The following MYO5B variants were observed in gnomAD, a reference collection of about 807,000 sequenced individuals.
MYO5B encodes unconventional myosin-Vb.
Under a neutral mutation model 229.3 loss-of-function variants are expected in MYO5B, and 143 were observed. The observed-to-expected ratio is 0.62, with a 90% confidence interval of 0.54 to 0.72. The LOEUF (loss-of-function observed/expected upper bound fraction) is 0.72. Among genes scored for constraint, MYO5B ranks in the 30% least tolerant of loss-of-function variants. MYO5B has a pLI of 0.00. For missense variants in MYO5B, 2,321 were observed against 2,331.0 expected, an observed-to-expected ratio of 1.00 and a Z score of 0.09; for synonymous variants, 918 against 885.2, an observed-to-expected ratio of 1.04 and a Z score of -0.66.
intron 10 of MYO5B, among the ~76,000 whole-genome samples, chr18:49,967,154 G>A (rs548305169): frequency 7.2e-4 from 109 of 152,244 alleles, no homozygotes; most frequent in South Asian, 3.5e-3. Flanking sequence ...GTGGCATCTG[G>A]TCTCTCGATG....
intron 39 of MYO5B, among the ~76,000 whole-genome samples, chr18:49,834,645 C>CTT (rs573183100): frequency 2.7e-5 from 4 of 149,592 alleles, no homozygotes; most frequent in Non-Finnish European, 4.5e-5. Context: ...CAAATATTGT[C>CTT]TTTTTTTTTT....
chr18:49,980,423 C>T (rs759015759), intron 9 of MYO5B, 21 bp downstream of exon 9: 21 of 1,514,100 alleles, frequency 1.4e-5, no homozygotes, highest in Middle Eastern at 1.7e-4. Flanking sequence ...ATTTTATCTC[C>T]GGTGTTGGTG....
intron 1 of MYO5B, chr18:50,064,039 A>G (rs1377349527): frequency 6.6e-6 from 1 of 152,238 alleles, no homozygotes; most frequent in Admixed American, 6.5e-5. Context: ...TGAGGGAAGC[A>G]GTGATAGCAG....
intron 1 of MYO5B, among the ~76,000 whole-genome samples, chr18:50,108,593 A>T (rs1568109746): frequency 6.6e-6 from 1 of 152,186 alleles, no homozygotes; most frequent in Non-Finnish European, 1.5e-5. Flanking sequence ...TAGACCGGCT[A>T]CATGTTTCAC....
intron 33 of MYO5B, among the ~76,000 whole-genome samples, chr18:49,846,146 G>T (rs1321081911): frequency 6.6e-6 from 1 of 152,212 alleles, no homozygotes; most frequent in Non-Finnish European, 1.5e-5. Context: ...AACTGCAGAT[G>T]ATCGCAGGGA....
chr18:49,940,368 C>T (rs554750691), intron 14 of MYO5B, among the ~76,000 whole-genome samples: 4 of 152,136 alleles, frequency 2.6e-5, no homozygotes, highest in East Asian at 1.9e-4. Flanking sequence ...TGGTGGCATA[C>T]TAGAACTGTT....
intron 17 of MYO5B, among the ~76,000 whole-genome samples, chr18:49,921,443 C>A (rs1362465933): frequency 6.6e-6 from 1 of 152,024 alleles, no homozygotes; most frequent in East Asian, 1.9e-4. Context: ...GGTGGAAAAG[C>A]CTCTCTTCCT....
At chr18:49,952,883 A>G (rs2025444550) in intron 14 of MYO5B, among the ~76,000 whole-genome samples, 1 of 151,530 alleles carries the variant, frequency 6.6e-6, no homozygotes, top group East Asian at 1.9e-4. Context: ...TGCAGGCAGG[A>G]GACGGAGGAC....
intron 1 of MYO5B, among the ~76,000 whole-genome samples, chr18:50,151,160 C>T (rs1450736756): frequency 6.6e-6 from 1 of 152,150 alleles, no homozygotes; most frequent in Non-Finnish European, 1.5e-5. Flanking sequence ...GTCACTTTTG[C>T]TTCTTATTGT....
At chr18:50,185,511 A>G (rs760755295) in intron 1 of MYO5B, among the ~76,000 whole-genome samples, 2 of 152,256 alleles carry the variant, frequency 1.3e-5, no homozygotes, top group South Asian at 4.1e-4. Flanking sequence ...TAGTATGTTC[A>G]AAAAAGCTAG....
chr18:49,959,401 C>T lies in MYO5B; in HGVS notation c.1545+2865G>A, dbSNP rs375678454. Among the ~76,000 whole-genome samples, 7 of 152,316 alleles carry T rather than the reference C, an allele frequency of 4.6e-5. No individual in the cohort carries two copies. In the East Asian group the frequency reaches 7.7e-4, roughly 17 times the overall value. On this transcript the variant is annotated intron_variant, in intron 12 of 39. Coordinates refer to ENST00000285039, the MANE Select transcript of MYO5B (RefSeq NM_001080467.3). ...GGAGTCACACCTCTACACGAAAGCG[C>T]TAGACAAGGAAACCTTTGGGGCCAC...
At chr18:50,053,176 C>T (rs757390253) in intron 2 of MYO5B, among the ~76,000 whole-genome samples, 66 of 152,290 alleles carry the variant, frequency 4.3e-4, no homozygotes, top group Non-Finnish European at 9.1e-4. Context: ...CATGGACAAG[C>T]CACTGCCCAT....
intron 1 of MYO5B, among the ~76,000 whole-genome samples, chr18:50,102,791 C>G (rs941405806): frequency 1.3e-5 from 2 of 151,974 alleles, no homozygotes; most frequent in Non-Finnish European, 2.9e-5. Context: ...TGTCCCAAAA[C>G]CCCCCAGGCC....
chr18:49,922,470 G>A (rs568998044), intron 17 of MYO5B, among the ~76,000 whole-genome samples: 3 of 152,312 alleles, frequency 2.0e-5, no homozygotes, highest in East Asian at 1.9e-4. Flanking sequence ...TGTGGTGAGA[G>A]GAAAAGGATT....
intron 1 of MYO5B, among the ~76,000 whole-genome samples, chr18:50,113,006 CCTG>C (rs1568111613): frequency 6.6e-6 from 1 of 152,146 alleles, no homozygotes; most frequent in Non-Finnish European, 1.5e-5. Context: ...ACGTTGAGTG[CCTG>C]CTTATAAATA....
chr18:50,142,840 G>A (rs2032438159), intron 1 of MYO5B, among the ~76,000 whole-genome samples: 1 of 152,196 alleles, frequency 6.6e-6, no homozygotes, highest in Admixed American at 6.5e-5. Flanking sequence ...GTGCACCGAG[G>A]CATACCATGT....
At chr18:49,921,510 C>T (rs1010797670) in intron 17 of MYO5B, among the ~76,000 whole-genome samples, 3 of 152,068 alleles carry the variant, frequency 2.0e-5, no homozygotes, top group South Asian at 2.1e-4. Context: ...ATTTCTTAGC[C>T]GCTGCACAGC....
chr18:50,193,877 G>A (rs527896725), intron 1 of MYO5B, among the ~76,000 whole-genome samples: 2 of 152,346 alleles, frequency 1.3e-5, no homozygotes, highest in Admixed American at 6.5e-5. Flanking sequence ...CCCTGGAAGC[G>A]GTGGCTTGTC....
chr18:50,039,410 C>T (rs1424162172), intron 3 of MYO5B, among the ~76,000 whole-genome samples: 1 of 152,144 alleles, frequency 6.6e-6, no homozygotes, highest in Admixed American at 6.5e-5. Flanking sequence ...CGGCTCACTG[C>T]AAGCTCCGAC....
Sources: allele counts gnomAD v4.1 joint callset (sites outside exome capture counted in the v4.1 genomes callset), GRCh38; gene constraint gnomAD v4.1.1; transcripts MANE v1.5; gene names NCBI Gene and HGNC (gene_info 2026-07-23, HGNC 2026-07-21).